Variants in ZNF521 observed in about 807,000 individuals in gnomAD.
ZNF521 encodes zinc finger protein 521.
In ZNF521, 14 loss-of-function variants were observed where a neutral mutation model predicts 105.5. That is an observed-to-expected ratio of 0.13 (90% CI 0.09 to 0.21). The LOEUF (loss-of-function observed/expected upper bound fraction) is 0.21, where lower values mean the gene tolerates loss of function less well. Among genes scored for constraint, ZNF521 ranks in the 10% least tolerant of loss-of-function variants. The pLI is 1.00. For synonymous variants in ZNF521, 635 were observed against 606.0 expected, an observed-to-expected ratio of 1.05 and a Z score of -0.70; for missense variants, 1,233 against 1,629.7, an observed-to-expected ratio of 0.76 and a Z score of 4.19.
chr18:25,331,614 T>C (rs1053998294), intron 2 of ZNF521, among the ~76,000 whole-genome samples: 1 of 152,212 alleles, frequency 6.6e-6, no homozygotes, highest in Non-Finnish European at 1.5e-5. Context: ...ATCATACTAA[T>C]ACTTACACCA....
chr18:25,081,326 A>T (rs1182504466), intron 7 of ZNF521, among the ~76,000 whole-genome samples: 2 of 152,220 alleles, frequency 1.3e-5, no homozygotes. Flanking sequence ...TAGAATGAAG[A>T]GGTGGTGCTC....
chr18:25,145,071 A>G (rs1052292490), intron 5 of ZNF521, among the ~76,000 whole-genome samples: 17 of 152,158 alleles, frequency 1.1e-4, no homozygotes, highest in African/African-American at 3.1e-4. Flanking sequence ...TTTCATGCTG[A>G]AAAAAACTAT....
At chr18:25,102,513 A>G (rs2033987363) in intron 5 of ZNF521, among the ~76,000 whole-genome samples, 1 of 151,638 alleles carries the variant, frequency 6.6e-6, no homozygotes, top group African/African-American at 2.4e-5. Flanking sequence ...GAGACTATAT[A>G]TATATATAGT....
At chr18:25,250,228 AAGTTAC>A (rs1199960479) in intron 3 of ZNF521, among the ~76,000 whole-genome samples, 1 of 151,744 alleles carries the variant, frequency 6.6e-6, no homozygotes, top group Non-Finnish European at 1.5e-5. Flanking sequence ...ATTGCCCTTC[AAGTTAC>A]ATAATCTCAC....
At chr18:25,236,700 T>C (rs1906925136) in intron 3 of ZNF521, among the ~76,000 whole-genome samples, 2 of 152,176 alleles carry the variant, frequency 1.3e-5, no homozygotes, top group Admixed American at 6.6e-5. Context: ...AACACTTACA[T>C]GGTAAAACTG....
intron 3 of ZNF521, among the ~76,000 whole-genome samples, chr18:25,273,206 T>C (rs1909784890): frequency 1.4e-5 from 1 of 71,682 alleles, no homozygotes; most frequent in Non-Finnish European, 2.6e-5. Flanking sequence ...CCAAGAGGAG[T>C]GAAACCCTGT....
chr18:25,210,076 T>C (rs1396469839), intron 4 of ZNF521, among the ~76,000 whole-genome samples: 2 of 152,098 alleles, frequency 1.3e-5, no homozygotes, highest in Non-Finnish European at 2.9e-5. Context: ...AATATATGTA[T>C]ACATAATACA....
intron 3 of ZNF521, among the ~76,000 whole-genome samples, chr18:25,235,681 T>C (rs1209049128): frequency 1.3e-5 from 2 of 152,248 alleles, no homozygotes; most frequent in Non-Finnish European, 2.9e-5. Flanking sequence ...ATGGTATTTA[T>C]TGGAGCCGAA....
chr18:25,301,429 C>T (rs1038135606), intron 3 of ZNF521, among the ~76,000 whole-genome samples: 6 of 152,190 alleles, frequency 3.9e-5, no homozygotes, highest in African/African-American at 1.2e-4. Flanking sequence ...ATTACATACT[C>T]ACAAAAACTA....
chr18:25,246,779 T>A (rs938120533), intron 3 of ZNF521, among the ~76,000 whole-genome samples: 1 of 152,252 alleles, frequency 6.6e-6, no homozygotes, highest in South Asian at 2.1e-4. Flanking sequence ...TTATTATTGA[T>A]GTTTTCTCTC....
At chr18:25,132,865 A>G (rs565824299) in intron 5 of ZNF521, among the ~76,000 whole-genome samples, 4 of 152,304 alleles carry the variant, frequency 2.6e-5, no homozygotes, top group African/African-American at 9.6e-5. Context: ...TAGCAAGAGG[A>G]GGAGACAAAG....
At chr18:25,243,073 T>G (rs1472464161) in intron 3 of ZNF521, among the ~76,000 whole-genome samples, 1 of 152,154 alleles carries the variant, frequency 6.6e-6, no homozygotes, top group Non-Finnish European at 1.5e-5. Flanking sequence ...TCAACAGAGT[T>G]TGCAGTGATT....
At chr18:25,261,697 G>A (rs1449371121) in intron 3 of ZNF521, among the ~76,000 whole-genome samples, 1 of 151,288 alleles carries the variant, frequency 6.6e-6, no homozygotes, top group Non-Finnish European at 1.5e-5. Flanking sequence ...TCAATGAAGA[G>A]ATTGAGCAGA....
chr18:25,143,792 G>C (rs559896642), intron 5 of ZNF521, among the ~76,000 whole-genome samples: 2 of 152,242 alleles, frequency 1.3e-5, no homozygotes, highest in Admixed American at 6.5e-5. Flanking sequence ...CACAAGACTA[G>C]AAGCAACAGA....
intron 4 of ZNF521, among the ~76,000 whole-genome samples, chr18:25,209,730 C>T (rs1819128617): frequency 6.6e-6 from 1 of 152,166 alleles, no homozygotes; most frequent in South Asian, 2.1e-4. Context: ...TCCAATAATA[C>T]TATTGAGCAT....
At chr18:25,289,937 T>A (rs949078858) in intron 3 of ZNF521, among the ~76,000 whole-genome samples, 2 of 152,252 alleles carry the variant, frequency 1.3e-5, no homozygotes, top group Non-Finnish European at 2.9e-5. Context: ...AAGCCCTTTT[T>A]AACTACAACA....
Position 25,226,131 on chromosome 18 carries a change from T to C in ZNF521, c.1787A>G (p.His596Arg). The C allele has an allele frequency of 6.2e-7, 1 of 1,614,196 alleles. No individual in the cohort carries two copies. The highest frequency in any genetic ancestry group is 8.5e-7 in the Non-Finnish European group (1 of 1,180,036). Residue 596 changes from histidine to arginine, a missense_variant, in exon 4 of 8, where the codon CAC becomes CGC. Physicochemically the swap from His to Arg is conservative, Grantham distance 29. Around this residue, in one of 6 missense-constraint regions of ZNF521, gnomAD observed 614 missense variants for 751.5 expected, o/e 0.82. Transcript: ENST00000361524. This position sits in a 1 kb window ranked among gnomAD's most constrained non-coding sequence, Gnocchi z 4.1. ...KNIPLALNYI[H>R]NGKKSRALSP... ...TAAGGCCCTGGATTTCTTCCCATTG[T>C]GGATATAATTCAGGGCCAAGGGAAT...
Position 25,275,844 on chromosome 18 carries a change from A to G in ZNF521, c.220+46164T>C, listed in dbSNP as rs551427420. On this transcript the variant is annotated intron_variant, in intron 3 of 7. Coordinates refer to ENST00000361524, the MANE Select transcript of ZNF521 (RefSeq NM_015461.3). ...GCAGCTGTGCCCTTCCCCTTGACAC[A>G]TGAGCACCAGCATACGCAGTGATCC... is the stretch of plus-strand genomic sequence containing the variant. 2.6e-5 allele frequency among the ~76,000 whole-genome samples: 4 copies of G among 152,258 alleles called. No homozygotes were observed. The East Asian group carries it at 7.7e-4, about 29-fold the overall frequency.
At chr18:25,109,104 C>A (rs962379443) in intron 5 of ZNF521, among the ~76,000 whole-genome samples, 2 of 152,024 alleles carry the variant, frequency 1.3e-5, no homozygotes, top group Non-Finnish European at 2.9e-5. Context: ...TTAACCCTCA[C>A]GCCCCCAACC....
Sources: gnomAD v4.1 joint callset for allele counts (sites outside exome capture counted in the v4.1 genomes callset) on GRCh38, gnomAD v4.1.1 for gene constraint, gnomAD v4.1.1 regional missense constraint, Gnocchi (gnomAD v3.1) non-coding constraint, MANE v1.5 for transcripts, NCBI Gene and HGNC (gene_info 2026-07-23, HGNC 2026-07-21) for gene names.